The following ENPP1 variants were observed in gnomAD, a reference collection of about 807,000 sequenced individuals.
The protein encoded by ENPP1 is ectonucleotide pyrophosphatase/phosphodiesterase 1.
ENPP1 carries 73 observed loss-of-function variants against 122.8 expected under a neutral mutation model. That is an observed-to-expected ratio of 0.59 (90% CI 0.49 to 0.72). ENPP1 has a LOEUF of 0.72. Ranked by LOEUF, ENPP1 falls within the 30% of genes least tolerant of loss-of-function variation. The pLI is 0.00. For synonymous variants in ENPP1, 367 were observed against 391.6 expected (o/e 0.94, Z 0.74); for missense variants, 978 against 1,128.1 (o/e 0.87, Z 1.91).
intron 1 of ENPP1, among the ~76,000 whole-genome samples, chr6:131,813,930 A>G (rs1740047953): frequency 6.6e-6 from 1 of 152,166 alleles, no homozygotes; most frequent in Non-Finnish European, 1.5e-5. Flanking sequence ...GGATCTTTCC[A>G]TTCTTATTTC....
chr6:131,851,218 C>T lies in ENPP1; in HGVS notation c.507C>T (p.Asp169=), dbSNP rs1443537071. ...GAAGCCTCTGTGCCTGTTCAGATGA[C>T]TGCAAGGACAAGGGCGACTGCTGCA... ...LTRSLCACSD[D]CKDKGDCCIN... Residue 169 remains aspartate (D), a synonymous_variant, in exon 4 of 25, where the codon GAC becomes GAT. Transcript: ENST00000647893. 8 of 1,613,986 alleles carry T rather than the reference C, an allele frequency of 5.0e-6. No homozygotes were observed. The highest frequency in any genetic ancestry group is 1.1e-5 in the South Asian group (1 of 91,090).
intron 1 of ENPP1, 52 bp downstream of exon 1, chr6:131,808,327 G>A: frequency 6.9e-7 from 1 of 1,459,054 alleles, no homozygotes; most frequent in Non-Finnish European, 9.1e-7. Flanking sequence ...GTACGGGGAG[G>A]GCGGCGCCGA....
At chr6:131,850,884 T>C (rs926783647) in intron 3 of ENPP1, among the ~76,000 whole-genome samples, 1 of 152,232 alleles carries the variant, frequency 6.6e-6, no homozygotes, top group African/African-American at 2.4e-5. Flanking sequence ...ACATATGAAT[T>C]GCATATGGTA....
At chr6:131,827,663 CCTT>C in intron 1 of ENPP1, 1 of 634,254 alleles carries the variant, frequency 1.6e-6, no homozygotes, top group Non-Finnish European at 2.9e-6. Flanking sequence ...TAAATGATGT[CCTT>C]CTGCTCTACG....
In ENPP1 at chr6:131,871,491, C is replaced by T. The variant is rs62424496; in HGVS notation, c.1406-579C>T. Among the ~76,000 whole-genome samples the T allele has an allele frequency of 3.1e-3, 475 of 152,294 alleles. 1 individual carries two copies. The highest frequency in any genetic ancestry group is 5.4e-3 in the Non-Finnish European group (370 of 68,026). ...CAAAGTAAAAAGAAACAGCTTCCCA[C>T]CTGAAGTCCTCCTACTTGACAACTC... On this transcript the variant is annotated intron_variant, in intron 13 of 24. Coordinates refer to ENST00000647893, the MANE Select transcript of ENPP1 (RefSeq NM_006208.3).
chr6:131,868,167 C>A, intron 12 of ENPP1, 41 bp downstream of exon 12: 1 of 1,432,584 alleles, frequency 7.0e-7, no homozygotes, highest in Non-Finnish European at 9.8e-7. Flanking sequence ...GGATAAAGGG[C>A]TGAAGAAAGT....
intron 12 of ENPP1, 96 bp downstream of exon 12, chr6:131,868,222 CT>C: frequency 1.1e-6 from 1 of 888,700 alleles, no homozygotes; most frequent in Non-Finnish European, 1.8e-6. Flanking sequence ...GTAGTTAATT[CT>C]TTTTTAAAAA....
intron 24 of ENPP1, among the ~76,000 whole-genome samples, chr6:131,888,100 G>C (rs1782412446): frequency 6.6e-6 from 1 of 152,050 alleles, no homozygotes; most frequent in African/African-American, 2.4e-5. Flanking sequence ...GACCTCAGGT[G>C]ATCTGCTGGC....
At chr6:131,866,195 G>C (rs1306280449) in intron 11 of ENPP1, among the ~76,000 whole-genome samples, 1 of 152,070 alleles carries the variant, frequency 6.6e-6, no homozygotes, top group Non-Finnish European at 1.5e-5. Context: ...CTTGTGTAGT[G>C]ATCTTGTGCC....
At chr6:131,813,407 G>A (rs1781377995) in intron 1 of ENPP1, among the ~76,000 whole-genome samples, 1 of 152,006 alleles carries the variant, frequency 6.6e-6, no homozygotes, top group Non-Finnish European at 1.5e-5. Flanking sequence ...GTACATGCCT[G>A]TAGTGCCAAC....
chr6:131,814,550 T>C (rs979131706), intron 1 of ENPP1, among the ~76,000 whole-genome samples: 2 of 152,210 alleles, frequency 1.3e-5, no homozygotes, highest in African/African-American at 4.8e-5. Context: ...GCTGGCATTA[T>C]TTGAGATTTG....
At chr6:131,819,289 A>G (rs911509760) in intron 1 of ENPP1, among the ~76,000 whole-genome samples, 2 of 152,250 alleles carry the variant, frequency 1.3e-5, no homozygotes, top group Admixed American at 6.5e-5. Context: ...TTTTTATGCC[A>G]TAATTTACTT....
rs950734324 is a variant in ENPP1, at chr6:131,858,817, T to C, written c.795+70T>C. ...GGGATTGTAACATTTTTTGAGGGAA[T>C]AGATTTAAGATAAAAGAAAAACAAC... On this transcript the variant is annotated intron_variant, in intron 7 of 24. Coordinates refer to ENST00000647893, the MANE Select transcript of ENPP1 (RefSeq NM_006208.3). 2.3e-5 allele frequency: 26 copies of C among 1,120,426 alleles called. No individual in the cohort carries two copies. The African/African-American group carries it at 2.9e-4, about 13-fold the overall frequency. The allele number at this position is 1,120,426 out of a possible 1,614,324, so 69.4% of individuals were successfully genotyped here. A position where few individuals can be genotyped will look rare whatever the true frequency, so the allele number is the denominator to read the frequency against.
chr6:131,828,765 T>A (rs1781576483), intron 1 of ENPP1, among the ~76,000 whole-genome samples: 1 of 152,184 alleles, frequency 6.6e-6, no homozygotes, highest in Non-Finnish European at 1.5e-5. Context: ...CACATTCCCC[T>A]CCATTACCAA....
chr6:131,894,948 A>ATGTGGT lies in ENPP1; in HGVS notation c.*4438_*4443dup, dbSNP rs1782526911. 1 of 152,326 alleles carries ATGTGGT rather than the reference A, an allele frequency of 6.6e-6. No homozygotes were observed. Among genetic ancestry groups the ATGTGGT allele is most frequent in the East Asian group, 1.9e-4 (1 of 5,188 alleles). The allele number at this position is 152,326 out of a possible 1,614,324, so 9.4% of individuals were successfully genotyped here. On this transcript the variant is annotated 3_prime_UTR_variant, in exon 25 of 25. Transcript: ENST00000647893. ...ATGGGCATTTGAACTTTGAAACTGA[A>ATGTGGT]TGTGGTGATTACACTTCATGCTGAA...
chr6:131,842,388 A>G (rs1028888353), intron 1 of ENPP1, among the ~76,000 whole-genome samples: 1 of 152,042 alleles, frequency 6.6e-6, no homozygotes, highest in Non-Finnish European at 1.5e-5. Context: ...GCTTCTAACT[A>G]TGTCATATCT....
chr6:131,815,739 A>C (rs1168813866), intron 1 of ENPP1, among the ~76,000 whole-genome samples: 9 of 148,556 alleles, frequency 6.1e-5, no homozygotes, highest in Non-Finnish European at 1.2e-4. Flanking sequence ...TTCACTTTGT[A>C]GTGCAGGCTG....
At chr6:131,885,166 A>G (rs1782361330) in intron 23 of ENPP1, 103 bp downstream of exon 23, 1 of 1,080,352 alleles carries the variant, frequency 9.3e-7, no homozygotes, top group Non-Finnish European at 1.4e-6. Flanking sequence ...CCAGTGTCGT[A>G]TGTTTATGTG....
At chr6:131,863,800 C>T (rs1782053808) in intron 9 of ENPP1, among the ~76,000 whole-genome samples, 2 of 151,514 alleles carry the variant, frequency 1.3e-5, no homozygotes, top group African/African-American at 2.4e-5. Flanking sequence ...CCTGTAGTCC[C>T]AGCTACTCGG....
Sources: gnomAD v4.1 joint callset for allele counts (sites outside exome capture counted in the v4.1 genomes callset) on GRCh38, gnomAD v4.1.1 for gene constraint, MANE v1.5 for transcripts, NCBI Gene and HGNC (gene_info 2026-07-23, HGNC 2026-07-21) for gene names.